The following MAP3K4 variants were observed in gnomAD, a reference collection of about 807,000 sequenced individuals.
MAP3K4 encodes the protein MAP three kinase 1.
MAP3K4 carries 67 observed loss-of-function variants against 185.6 expected under a neutral mutation model. The ratio of observed to expected loss-of-function variants is 0.36; its 90% CI spans 0.30 to 0.44. MAP3K4 has a LOEUF of 0.44. Among genes scored for constraint, MAP3K4 ranks in the 20% least tolerant of loss-of-function variants. MAP3K4 has a pLI of 1.00. For synonymous variants in MAP3K4, 702 were observed against 710.4 expected, an observed-to-expected ratio of 0.99 and a Z score of 0.19; for missense variants, 1,551 against 1,995.1, an observed-to-expected ratio of 0.78 and a Z score of 4.24.
At chr6:161,003,221 T>C (rs1781411358) in intron 1 of MAP3K4, among the ~76,000 whole-genome samples, 3 of 152,138 alleles carry the variant, frequency 2.0e-5, no homozygotes, top group Admixed American at 2.0e-4. Context: ...TATTAAGTTA[T>C]TCATACCAGT....
At chr6:161,102,031 C>T in intron 18 of MAP3K4, 39 bp downstream of exon 18, 2 of 1,505,672 alleles carry the variant, frequency 1.3e-6, no homozygotes, top group South Asian at 1.1e-5. Flanking sequence ...CACAACCAGT[C>T]TAATCATTTG....
Position 161,080,781 on chromosome 6 carries a change from C to T in MAP3K4, c.2098-100C>T. 1 of 1,051,942 alleles carries T rather than the reference C, an allele frequency of 9.5e-7. No individual in the cohort carries two copies. The highest frequency in any genetic ancestry group is 1.4e-6 in the Non-Finnish European group (1 of 703,120). The allele number at this position is 1,051,942 out of a possible 1,614,324, so 65.2% of individuals were successfully genotyped here. A position where few individuals can be genotyped will look rare whatever the true frequency, so the allele number is the denominator to read the frequency against. ...CTGCGTGCCTGTGACAGCCCCCGGCCCGCCCCCACTTTACCCTGCTGATGT... is the reference window on the plus strand; with the variant it reads ...CTGCGTGCCTGTGACAGCCCCCGGCTCGCCCCCACTTTACCCTGCTGATGT... On this transcript the variant is annotated intron_variant, in intron 5 of 26. Coordinates refer to ENST00000392142, the MANE Select transcript of MAP3K4 (RefSeq NM_005922.4). This position sits in a 1 kb window ranked among gnomAD's most constrained non-coding sequence, Gnocchi z 4.8.
In MAP3K4 at chr6:161,055,660, A is replaced by G. The variant is rs1344462658; in HGVS notation, c.1707+5681A>G. Among the ~76,000 whole-genome samples the G allele has an allele frequency of 2.0e-5, 3 of 152,220 alleles. No individual in the cohort carries two copies. The East Asian group carries it at 5.8e-4, about 29-fold the overall frequency. On this transcript the variant is annotated intron_variant, in intron 3 of 26. Coordinates refer to ENST00000392142, the MANE Select transcript of MAP3K4 (RefSeq NM_005922.4). ...CACATTGCATTTAATTGTCATGTCC[A>G]TGAATCTGGATTTGTCTGATATGTT...
chr6:161,026,546 C>G (rs1427344309), intron 1 of MAP3K4, among the ~76,000 whole-genome samples: 2 of 152,112 alleles, frequency 1.3e-5, no homozygotes, highest in Non-Finnish European at 2.9e-5. Flanking sequence ...CACACTCACA[C>G]AATTGTTGGA....
chr6:161,087,574 G>A lies in MAP3K4; in HGVS notation c.2557-114G>A. ...CAGTTCCCTCACTGCTCCAATTCAT[G>A]CCCTTCCCACTTTCCCTTTCCCAAA... On this transcript the variant is annotated intron_variant, in intron 9 of 26. Transcript: ENST00000392142. The surrounding 1 kb of genome is among the most constrained non-coding windows in gnomAD (Gnocchi z 4.9). 2 of 1,049,496 alleles carry A rather than the reference G, an allele frequency of 1.9e-6. No individual in the cohort carries two copies. The allele number at this position is 1,049,496 out of a possible 1,614,324, so 65.0% of individuals were successfully genotyped here. A position where few individuals can be genotyped will look rare whatever the true frequency, so the allele number is the denominator to read the frequency against.
chr6:161,035,071 G>A (rs1038534253), intron 2 of MAP3K4, among the ~76,000 whole-genome samples: 6 of 151,894 alleles, frequency 4.0e-5, no homozygotes, highest in African/African-American at 1.5e-4. Context: ...TCCTTTTAGT[G>A]GGACGTAACT....
intron 7 of MAP3K4, among the ~76,000 whole-genome samples, chr6:161,085,186 G>GA (rs1468846134): frequency 2.6e-5 from 4 of 151,592 alleles, no homozygotes; most frequent in Admixed American, 6.6e-5. Flanking sequence ...AAAGTTGACT[G>GA]AAAAAAATGA....
At chr6:161,060,519 CT>C (rs1233055440) in intron 3 of MAP3K4, among the ~76,000 whole-genome samples, 2 of 151,934 alleles carry the variant, frequency 1.3e-5, no homozygotes, top group African/African-American at 4.8e-5. Context: ...TTTCACAGTC[CT>C]TTGATAGCTT....
At chr6:161,089,969 T>C (rs1486677349) in intron 11 of MAP3K4, among the ~76,000 whole-genome samples, 1 of 152,242 alleles carries the variant, frequency 6.6e-6, no homozygotes, top group Non-Finnish European at 1.5e-5. Context: ...GGCTGTCTTT[T>C]TCCATTATTT....
At chr6:161,066,078 A>G (rs1055096298) in intron 3 of MAP3K4, among the ~76,000 whole-genome samples, 4 of 152,134 alleles carry the variant, frequency 2.6e-5, no homozygotes, top group Non-Finnish European at 5.9e-5. Context: ...CGCAACCTAT[A>G]TAAGTTTTGT....
chr6:161,047,237 T>G (rs1783772776), intron 2 of MAP3K4, among the ~76,000 whole-genome samples: 1 of 148,242 alleles, frequency 6.7e-6, no homozygotes, highest in Non-Finnish European at 1.5e-5. Flanking sequence ...GCCCAGGAAT[T>G]TGGGACCAGC....
chr6:161,021,027 T>C (rs1174918428), intron 1 of MAP3K4, among the ~76,000 whole-genome samples: 1 of 152,166 alleles, frequency 6.6e-6, no homozygotes, highest in Non-Finnish European at 1.5e-5. Context: ...TTCTAAAATT[T>C]TTTAGACTCA....
At chr6:160,997,648 G>A (rs1436100061) in intron 1 of MAP3K4, among the ~76,000 whole-genome samples, 4 of 152,150 alleles carry the variant, frequency 2.6e-5, no homozygotes, top group Non-Finnish European at 5.9e-5. Flanking sequence ...CAAAATTTGA[G>A]GTAGTTTTTC....
Position 160,996,118 on chromosome 6 carries a change from T to G in MAP3K4, c.152+4035T>G, listed in dbSNP as rs1780978107. Reference sequence around the variant, plus strand: ...GAGCCTGTGTGTTTCAGTCTTGACCTTGTATGTCAACTGTTCTCCCTGGCA... The same window carrying G: ...GAGCCTGTGTGTTTCAGTCTTGACCGTGTATGTCAACTGTTCTCCCTGGCA... On this transcript the variant is annotated intron_variant, in intron 1 of 26. Transcript: ENST00000392142. This position sits in a 1 kb window ranked among gnomAD's most constrained non-coding sequence, Gnocchi z 4.5. 7.9e-6 allele frequency among the ~76,000 whole-genome samples: 1 copy of G among 126,204 alleles called. No homozygotes were observed. The highest frequency in any genetic ancestry group is 1.7e-5 in the Non-Finnish European group (1 of 60,594). 82.8% of individuals were successfully genotyped at this position (126,204 alleles called of 152,430 possible).
At chr6:161,015,382 C>G (rs1285947629) in intron 1 of MAP3K4, among the ~76,000 whole-genome samples, 1 of 152,066 alleles carries the variant, frequency 6.6e-6, no homozygotes, top group African/African-American at 2.4e-5. Context: ...ATGGGTCGAT[C>G]TGTGCAGCAA....
At chr6:161,024,565 G>C (rs1380577904) in intron 1 of MAP3K4, among the ~76,000 whole-genome samples, 1 of 152,094 alleles carries the variant, frequency 6.6e-6, no homozygotes, top group Non-Finnish European at 1.5e-5. Flanking sequence ...TGATGACTTT[G>C]ACAGTTTTGA....
chr6:161,077,868 G>GA lies in MAP3K4; in HGVS notation c.2098-3006dup, dbSNP rs988970763. On this transcript the variant is annotated intron_variant, in intron 5 of 26. Coordinates refer to ENST00000392142, the MANE Select transcript of MAP3K4 (RefSeq NM_005922.4). The surrounding 1 kb of genome is among the most constrained non-coding windows in gnomAD (Gnocchi z 4.3). ...TTTGCAAACTAAGGGAAAGAGATGG[G>GA]AAAAAAATATATATATGTATTAATA... 2.0e-5 allele frequency among the ~76,000 whole-genome samples: 3 copies of GA among 151,924 alleles called. No individual in the cohort carries two copies. Among genetic ancestry groups the GA allele is most frequent in the Non-Finnish European group, 2.9e-5 (2 of 67,994 alleles).
At chr6:161,006,378 C>T (rs1018394550) in intron 1 of MAP3K4, among the ~76,000 whole-genome samples, 2 of 152,178 alleles carry the variant, frequency 1.3e-5, no homozygotes, top group African/African-American at 2.4e-5. Context: ...GTGCTGAACA[C>T]GTACAGACTT....
Position 161,082,222 on chromosome 6 carries a change from T to A in MAP3K4, c.2255+1184T>A, listed in dbSNP as rs1014256755. ...GCTTGGTGCCCATAGTCAGCCTTTT[T>A]AAAAAAGGCATTCATTGTCATTTGC... On this transcript the variant is annotated intron_variant, in intron 6 of 26. Transcript: ENST00000392142. The surrounding 1 kb of genome is among the most constrained non-coding windows in gnomAD (Gnocchi z 4.2). Among the ~76,000 whole-genome samples the A allele has an allele frequency of 3.9e-5, 6 of 152,122 alleles. No individual in the cohort carries two copies. The South Asian group carries it at 1.2e-3, about 32-fold the overall frequency.
Sources: allele counts gnomAD v4.1 joint callset (sites outside exome capture counted in the v4.1 genomes callset), GRCh38; gene constraint gnomAD v4.1.1; non-coding constraint Gnocchi (gnomAD v3.1); transcripts MANE v1.5; gene names NCBI Gene and HGNC (gene_info 2026-07-23, HGNC 2026-07-21).